The following KCNIP4 variants were observed in gnomAD, a reference collection of about 807,000 sequenced individuals.
KCNIP4 encodes potassium voltage-gated channel interacting protein 4.
In KCNIP4, 12 loss-of-function variants were observed where a neutral mutation model predicts 34.0. That is an observed-to-expected ratio of 0.35 (90% CI 0.23 to 0.57). The LOEUF (loss-of-function observed/expected upper bound fraction) is 0.57, where lower values mean the gene tolerates loss of function less well. Among genes scored for constraint, KCNIP4 ranks in the 20% least tolerant of loss-of-function variants. The probability of loss-of-function intolerance (pLI) is 0.83; values close to 1 mark genes in which losing one functional copy is unlikely to be tolerated. For synonymous variants in KCNIP4, 124 were observed against 102.2 expected (o/e 1.21, Z -1.29); for missense variants, 238 against 311.7 (o/e 0.76, Z 1.78).
intron 1 of KCNIP4, among the ~76,000 whole-genome samples, chr4:21,048,944 CTTTTTTTTTTTTT>C (rs949548104): frequency 1.0e-5 from 1 of 96,050 alleles, no homozygotes; most frequent in Non-Finnish European, 2.0e-5. Flanking sequence ...TTCTGTTTAT[CTTTTTTTTTTTTT>C]TTTTTTTTTT....
intron 1 of KCNIP4, among the ~76,000 whole-genome samples, chr4:21,273,443 T>A (rs899058753): frequency 6.6e-6 from 1 of 152,114 alleles, no homozygotes; most frequent in Admixed American, 6.6e-5. Context: ...TACATTCAAG[T>A]AGGCACTCAA....
At chr4:21,179,640 G>A (rs77166732) in intron 1 of KCNIP4, among the ~76,000 whole-genome samples, 1,956 of 152,290 alleles carry the variant, frequency 0.013, 53 homozygotes, top group African/African-American at 0.045. Flanking sequence ...GCAGGCACAT[G>A]TGGGTGTTAT....
chr4:21,382,828 A>C (rs1400545985), intron 1 of KCNIP4, among the ~76,000 whole-genome samples: 2 of 152,192 alleles, frequency 1.3e-5, no homozygotes, highest in African/African-American at 4.8e-5. Context: ...TTAAAGATAA[A>C]ATTTATTAGC....
At chr4:21,126,711 T>C (rs936230313) in intron 1 of KCNIP4, among the ~76,000 whole-genome samples, 8 of 151,826 alleles carry the variant, frequency 5.3e-5, no homozygotes, top group Non-Finnish European at 1.2e-4. Context: ...AGGGATCAAG[T>C]TCACCTTCTC....
intron 1 of KCNIP4, chr4:21,697,689 C>A: frequency 8.0e-7 from 1 of 1,250,478 alleles, no homozygotes. Flanking sequence ...TGACCAAGTT[C>A]TTCTGTGGCA....
At chr4:21,642,565 A>G (rs1604803) in intron 1 of KCNIP4, among the ~76,000 whole-genome samples, 8,941 of 152,188 alleles carry the variant, frequency 0.059, 323 homozygotes, top group Middle Eastern at 0.12. Flanking sequence ...AAATGGCTCT[A>G]TTTACTATTA....
At chr4:20,909,689 A>T (rs1246365731) in intron 1 of KCNIP4, among the ~76,000 whole-genome samples, 1 of 152,182 alleles carries the variant, frequency 6.6e-6, no homozygotes, top group Non-Finnish European at 1.5e-5. Flanking sequence ...GATTGAAAAA[A>T]GTTAATACTC....
chr4:21,701,274 G>A (rs1712814506), intron 1 of KCNIP4, among the ~76,000 whole-genome samples: 1 of 152,112 alleles, frequency 6.6e-6, no homozygotes, highest in Admixed American at 6.6e-5. Context: ...GATGGAAAAA[G>A]TAAAAATGTT....
In KCNIP4 at chr4:21,697,316, T is replaced by TAAAAAAA. The variant is rs537856921; in HGVS notation, c.61+251248_61+251254dup. On this transcript the variant is annotated intron_variant, in intron 1 of 8. Coordinates refer to ENST00000382152, the MANE Select transcript of KCNIP4 (RefSeq NM_025221.6). Reference sequence around the variant, plus strand: ...ATTACCATGCTCTACTAGCCTCTACTAAAAAAAAAAAAAAAAAAAAAAAAA... The same window carrying TAAAAAAA: ...ATTACCATGCTCTACTAGCCTCTACTAAAAAAAAAAAAAAAAAAAAAAAAAAAAAAAA... The TAAAAAAA allele has an allele frequency of 2.1e-4, 262 of 1,227,068 alleles. 9 individuals are homozygous for TAAAAAAA. In the African/African-American group the frequency reaches 5.7e-3, roughly 27 times the overall value. The allele number at this position is 1,227,068 out of a possible 1,614,324, so 76.0% of individuals were successfully genotyped here.
intron 5 of KCNIP4, among the ~76,000 whole-genome samples, 170 bp from the exon 6 acceptor site, chr4:20,734,905 C>G (rs940607606): frequency 2.0e-5 from 3 of 152,078 alleles, no homozygotes; most frequent in East Asian, 1.9e-4. Flanking sequence ...GCATAAATCA[C>G]TCCTTAGTCT....
intron 3 of KCNIP4, among the ~76,000 whole-genome samples, chr4:20,806,397 T>C (rs1715093631): frequency 6.6e-6 from 1 of 152,076 alleles, no homozygotes; most frequent in Non-Finnish European, 1.5e-5. Context: ...CTTCAATGCA[T>C]TTTACTCATT....
chr4:21,767,931 C>T (rs1341503132), intron 1 of KCNIP4, among the ~76,000 whole-genome samples: 11 of 151,894 alleles, frequency 7.2e-5, no homozygotes, highest in Admixed American at 7.2e-4. Context: ...ATTAAGAAAG[C>T]CAACAAAATC....
chr4:20,804,226 A>C (rs1198232583), intron 3 of KCNIP4, among the ~76,000 whole-genome samples: 6 of 152,184 alleles, frequency 3.9e-5, no homozygotes, highest in Non-Finnish European at 8.8e-5. Flanking sequence ...TTGCAGATAA[A>C]AACCAAGGCA....
intron 1 of KCNIP4, among the ~76,000 whole-genome samples, chr4:21,248,056 A>ATT (rs1760424452): frequency 6.0e-5 from 4 of 66,526 alleles, no homozygotes; most frequent in African/African-American, 4.8e-4. Flanking sequence ...GAGCATATAT[A>ATT]TATATGTGTG....
intron 1 of KCNIP4, among the ~76,000 whole-genome samples, chr4:21,145,244 T>G (rs73805025): frequency 7.9e-5 from 12 of 152,152 alleles, no homozygotes; most frequent in Non-Finnish European, 2.9e-5. Flanking sequence ...CTTTAGAAAC[T>G]TAGAGTCTCT....
At chr4:20,814,320 G>A (rs1578682848) in intron 3 of KCNIP4, among the ~76,000 whole-genome samples, 1 of 152,132 alleles carries the variant, frequency 6.6e-6, no homozygotes. Flanking sequence ...TCACCCAAAG[G>A]CCCTCTCATT....
Position 20,731,966 on chromosome 4 carries a change from T to A in KCNIP4, c.705+40A>T, listed in dbSNP as rs767916581. ...CTGCTAATACTCAGTTTAGCTGTTA[T>A]GATAGCTGAATTGATAGTTATTACA... On this transcript the variant is annotated intron_variant, in intron 8 of 8. Coordinates refer to ENST00000382152, the MANE Select transcript of KCNIP4 (RefSeq NM_025221.6). 3.1e-6 allele frequency: 5 copies of A among 1,610,866 alleles called. No individual in the cohort carries two copies. The South Asian group carries it at 4.4e-5, about 14-fold the overall frequency.
At chr4:21,409,445 G>T (rs951289355) in intron 1 of KCNIP4, among the ~76,000 whole-genome samples, 15 of 151,874 alleles carry the variant, frequency 9.9e-5, no homozygotes, top group African/African-American at 3.6e-4. Flanking sequence ...TTTCTGAACT[G>T]TAAATTTTGT....
At chr4:21,254,505 A>G (rs1340820455) in intron 1 of KCNIP4, among the ~76,000 whole-genome samples, 1 of 152,144 alleles carries the variant, frequency 6.6e-6, no homozygotes, top group Non-Finnish European at 1.5e-5. Context: ...TCATTCCTCC[A>G]AGTTATTCTT....
Sources: allele counts gnomAD v4.1 joint callset (sites outside exome capture counted in the v4.1 genomes callset), GRCh38; gene constraint gnomAD v4.1.1; transcripts MANE v1.5; gene names NCBI Gene and HGNC (gene_info 2026-07-23, HGNC 2026-07-21).